The following METTL24 variants were observed in gnomAD, a reference collection of about 807,000 sequenced individuals.
The protein encoded by METTL24 is methyltransferase like 24.
In METTL24, 29 loss-of-function variants were observed where a neutral mutation model predicts 32.7. The ratio of observed to expected loss-of-function variants is 0.89; its 90% CI spans 0.66 to 1.21. The LOEUF is 1.21. Ranked by LOEUF, METTL24 falls within the 50% of genes most tolerant of loss-of-function variation. The pLI, the probability that METTL24 is intolerant of heterozygous loss-of-function variation, is 0.00. For missense variants in METTL24, 439 were observed against 468.1 expected (o/e 0.94, Z 0.57); for synonymous variants, 163 against 179.5 (o/e 0.91, Z 0.73).
At chr6:110,299,221 C>T in intron 3 of METTL24, 71 bp from the exon 4 acceptor site, 1 of 1,381,704 alleles carries the variant, frequency 7.2e-7, no homozygotes, top group Non-Finnish European at 1.0e-6. Context: ...AACAAGATGA[C>T]AGTTCCAAGG....
chr6:110,274,970 T>A (rs1000379847), intron 4 of METTL24, among the ~76,000 whole-genome samples: 2 of 151,454 alleles, frequency 1.3e-5, no homozygotes, highest in Non-Finnish European at 2.9e-5. Context: ...AACTAATTTT[T>A]GTATTTTTTG....
At chr6:110,268,466 A>G (rs1244821212) in intron 4 of METTL24, among the ~76,000 whole-genome samples, 1 of 152,190 alleles carries the variant, frequency 6.6e-6, no homozygotes, top group African/African-American at 2.4e-5. Flanking sequence ...GATAGAAGAA[A>G]AGCAAATGTG....
chr6:110,266,752 G>T (rs1286186404), intron 4 of METTL24, among the ~76,000 whole-genome samples: 1 of 152,090 alleles, frequency 6.6e-6, no homozygotes, highest in Admixed American at 6.6e-5. Context: ...TGAAATTCTG[G>T]AATATACTTA....
intron 4 of METTL24, among the ~76,000 whole-genome samples, chr6:110,285,761 C>T (rs796780110): frequency 3.3e-5 from 5 of 152,194 alleles, no homozygotes; most frequent in South Asian, 2.1e-4. Flanking sequence ...CAAAGGGAAA[C>T]GCAGGTAACT....
At chr6:110,272,606 T>G (rs112114457) in intron 4 of METTL24, among the ~76,000 whole-genome samples, 1 of 152,224 alleles carries the variant, frequency 6.6e-6, no homozygotes, top group Non-Finnish European at 1.5e-5. Flanking sequence ...GTGTTCCCAT[T>G]TTACCACATT....
At chr6:110,303,607 C>A (rs933260874) in intron 3 of METTL24, among the ~76,000 whole-genome samples, 21 of 152,328 alleles carry the variant, frequency 1.4e-4, no homozygotes, top group Middle Eastern at 3.4e-3. Flanking sequence ...GCCAGACTGC[C>A]TCTCTAGATT....
intron 1 of METTL24, among the ~76,000 whole-genome samples, chr6:110,327,770 TAA>T (rs1303970384): frequency 6.6e-6 from 1 of 152,224 alleles, no homozygotes; most frequent in African/African-American, 2.4e-5. Flanking sequence ...AATGGCAGGT[TAA>T]ATAGAAAAGG....
intron 3 of METTL24, among the ~76,000 whole-genome samples, chr6:110,300,839 TA>T (rs1771505756): frequency 6.6e-6 from 1 of 152,112 alleles, no homozygotes; most frequent in African/African-American, 2.4e-5. Flanking sequence ...ACATTAAAAA[TA>T]GTAAAAATAA....
chr6:110,293,970 A>G (rs1386639122), intron 4 of METTL24, among the ~76,000 whole-genome samples: 4 of 152,026 alleles, frequency 2.6e-5, no homozygotes, highest in Non-Finnish European at 5.9e-5. Context: ...CTGTTTCCAC[A>G]TTAATTATGA....
At position 110,295,013 on chromosome 6, in the gene METTL24, C is replaced by CTTTTTTTTT. The variant is rs1195740747; in HGVS notation, c.786+3900_786+3908dup. Among the ~76,000 whole-genome samples, 56 of 78,126 alleles carry CTTTTTTTTT rather than the reference C, an allele frequency of 7.2e-4. 3 individuals carry two copies. Among genetic ancestry groups the CTTTTTTTTT allele is most frequent in the East Asian group, 2.0e-3 (5 of 2,514 alleles). 51.3% of individuals were successfully genotyped at this position (78,126 alleles called of 152,430 possible). A position where few individuals can be genotyped will look rare whatever the true frequency, so the allele number is the denominator to read the frequency against. ...ATTGCTTTTCTTTTTTTCTTTCTTTCTTTTTTTTTTTTTTTTTTTTTTTTT... is the reference window on the plus strand; with the variant it reads ...ATTGCTTTTCTTTTTTTCTTTCTTTCTTTTTTTTTTTTTTTTTTTTTTTTTTTTTTTTTT... On this transcript the variant is annotated intron_variant, in intron 4 of 4. Coordinates refer to ENST00000338882, the MANE Select transcript of METTL24 (RefSeq NM_001123364.3).
Position 110,244,558 on chromosome 6 carries a change from C to T in METTL24, c.*1388G>A, listed in dbSNP as rs568680315. 3.9e-5 allele frequency among the ~76,000 whole-genome samples: 6 copies of T among 152,084 alleles called. No individual in the cohort carries two copies. The highest frequency in any genetic ancestry group is 5.9e-5 in the Non-Finnish European group (4 of 67,982). On this transcript the variant is annotated 3_prime_UTR_variant, in exon 5 of 5. Transcript: ENST00000338882. The stretch of plus-strand genomic sequence containing the variant: ...TTGACTCACAGTTTAGCATGGCTGG[C>T]GAGGCCTCAGGAAACTTACAGTCGT...
At chr6:110,345,408 C>T (rs1462897969) in intron 1 of METTL24, among the ~76,000 whole-genome samples, 1 of 152,204 alleles carries the variant, frequency 6.6e-6, no homozygotes. Flanking sequence ...CCATTCAACG[C>T]AGCAAAACCA....
chr6:110,268,128 T>A (rs1407933376), intron 4 of METTL24, among the ~76,000 whole-genome samples: 5 of 152,178 alleles, frequency 3.3e-5, no homozygotes, highest in Non-Finnish European at 5.9e-5. Flanking sequence ...TCAATCAATC[T>A]TCAAACAAGC....
chr6:110,295,015 T>TA (rs1444705454), intron 4 of METTL24, among the ~76,000 whole-genome samples: 2 of 110,804 alleles, frequency 1.8e-5, no homozygotes, highest in Non-Finnish European at 3.4e-5. Context: ...CTTTCTTTCT[T>TA]TTTTTTTTTT....
chr6:110,356,439 G>T (rs1772701298), intron 1 of METTL24, among the ~76,000 whole-genome samples: 1 of 151,532 alleles, frequency 6.6e-6, no homozygotes, highest in African/African-American at 2.4e-5. Flanking sequence ...CAAGACTCCG[G>T]CTCAAATAAA....
intron 1 of METTL24, among the ~76,000 whole-genome samples, chr6:110,356,313 C>T (rs959155001): frequency 2.0e-5 from 3 of 152,006 alleles, no homozygotes; most frequent in Admixed American, 6.5e-5. Context: ...CGTGGTGGTG[C>T]ACGCCTGTAA....
chr6:110,251,674 G>A (rs1778281603), intron 4 of METTL24, among the ~76,000 whole-genome samples: 2 of 152,166 alleles, frequency 1.3e-5, no homozygotes, highest in South Asian at 2.1e-4. Flanking sequence ...GGTGACTGGT[G>A]AGAACCTGTT....
At chr6:110,355,872 C>T (rs1010629403) in intron 1 of METTL24, among the ~76,000 whole-genome samples, 3 of 152,158 alleles carry the variant, frequency 2.0e-5, no homozygotes, top group African/African-American at 7.2e-5. Context: ...ACTGTGGCAG[C>T]CTCCTAGCTC....
chr6:110,287,630 G>C (rs1022894770), intron 4 of METTL24, among the ~76,000 whole-genome samples: 2 of 152,216 alleles, frequency 1.3e-5, no homozygotes, highest in African/African-American at 4.8e-5. Flanking sequence ...CAGGAGCTAA[G>C]GTCTCTGGAC....
Sources: gnomAD v4.1 joint callset for allele counts (sites outside exome capture counted in the v4.1 genomes callset) on GRCh38, gnomAD v4.1.1 for gene constraint, MANE v1.5 for transcripts, NCBI Gene and HGNC (gene_info 2026-07-23, HGNC 2026-07-21) for gene names.